Variants in SLIT3 observed in about 807,000 individuals in gnomAD.
SLIT3 encodes slit homolog 3 protein.
Under a neutral mutation model 184.0 loss-of-function variants are expected in SLIT3, and 68 were observed. The observed-to-expected ratio is 0.37, with a 90% CI of 0.30 to 0.45. SLIT3 has a LOEUF of 0.45. Ranked by LOEUF, SLIT3 falls within the 20% of genes least tolerant of loss-of-function variation. The probability of loss-of-function intolerance (pLI) is 1.00; values close to 1 mark genes in which losing one functional copy is unlikely to be tolerated. For missense variants in SLIT3, 1,707 were observed against 2,026.0 expected (o/e 0.84, Z 3.02); for synonymous variants, 831 against 828.6 (o/e 1.00, Z -0.05).
intron 11 of SLIT3, among the ~76,000 whole-genome samples, chr5:168,788,426 T>C (rs1054572696): frequency 6.6e-6 from 1 of 152,126 alleles, no homozygotes; most frequent in African/African-American, 2.4e-5. Flanking sequence ...CCACTCAAAT[T>C]AGGTAAACAG....
intron 6 of SLIT3, among the ~76,000 whole-genome samples, chr5:168,829,228 G>T (rs1409057240): frequency 6.6e-6 from 1 of 152,158 alleles, no homozygotes; most frequent in African/African-American, 2.4e-5. Context: ...GTGCTTTCCT[G>T]GCTCTGGTTG....
intron 4 of SLIT3, among the ~76,000 whole-genome samples, chr5:169,150,863 C>A (rs370974395): frequency 6.6e-6 from 1 of 152,168 alleles, no homozygotes; most frequent in Non-Finnish European, 1.5e-5. Context: ...CACCCTTACA[C>A]GTAGCTTGGG....
intron 5 of SLIT3, among the ~76,000 whole-genome samples, chr5:168,876,339 A>G (rs958753009): frequency 4.6e-5 from 7 of 152,064 alleles, no homozygotes; most frequent in African/African-American, 1.4e-4. Flanking sequence ...GTTTTTCTTA[A>G]GTGAAAATCT....
chr5:168,997,802 C>T lies in SLIT3; in HGVS notation c.414-114466G>A, dbSNP rs370063141. Among the ~76,000 whole-genome samples the T allele has an allele frequency of 7.9e-5, 12 of 152,286 alleles. No individual in the cohort carries two copies. The East Asian group carries it at 1.5e-3, about 20-fold the overall frequency. On this transcript the variant is annotated intron_variant, in intron 4 of 35. Transcript: ENST00000519560. ...GCCTATGACATGGGGATTCAAGTGT[C>T]AACATCAGGTTCAAAGGAGTGGTAT...
rs75409353 is a variant in SLIT3, at chr5:168,781,359, C to T, written c.1151+4548G>A. Among the ~76,000 whole-genome samples, 1,200 of 152,294 alleles carry T rather than the reference C, an allele frequency of 7.9e-3. 4 individuals are homozygous for T. The highest frequency in any genetic ancestry group is 0.012 in the Admixed American group (186 of 15,296). On this transcript the variant is annotated intron_variant, in intron 12 of 35. Coordinates refer to ENST00000519560, the MANE Select transcript of SLIT3 (RefSeq NM_003062.4). ...GGGTGGTAACTTTCCTATCTGATTG[C>T]CACATGGTTACCAATCAGTCCTTTA... is the stretch of plus-strand genomic sequence containing the variant.
At chr5:169,223,783 A>T (rs1411931101) in intron 3 of SLIT3, among the ~76,000 whole-genome samples, 1 of 152,118 alleles carries the variant, frequency 6.6e-6, no homozygotes. Context: ...CAGCAAAGAG[A>T]TTGCTTTTTT....
chr5:169,295,976 G>A (rs184569456), intron 1 of SLIT3, among the ~76,000 whole-genome samples: 12 of 152,338 alleles, frequency 7.9e-5, no homozygotes, highest in African/African-American at 2.9e-4. Flanking sequence ...CACAGTAGGA[G>A]TTTTGCAAGG....
intron 3 of SLIT3, among the ~76,000 whole-genome samples, chr5:169,214,007 C>T (rs2113517355): frequency 6.6e-6 from 1 of 152,304 alleles, no homozygotes; most frequent in East Asian, 1.9e-4. Flanking sequence ...GCATCATCCA[C>T]TTGGTGGTGA....
chr5:168,708,152 C>A, intron 25 of SLIT3, 52 bp from the exon 26 acceptor site: 1 of 1,613,368 alleles, frequency 6.2e-7, no homozygotes, highest in South Asian at 1.1e-5. Context: ...CGCTCACTGC[C>A]ATACCTCCCT....
rs1761023221 is a variant in SLIT3, at chr5:168,665,991, T to TTTTTCTGATCTCAATGA, written c.*446_*462dup. On this transcript the variant is annotated 3_prime_UTR_variant, in exon 36 of 36. Coordinates refer to ENST00000519560, the MANE Select transcript of SLIT3 (RefSeq NM_003062.4). ...TCCTTCTCTCTCTTCCTCTTATTCC[T>TTTTTCTGATCTCAATGA]TTTTCTGATCTCAATGAGCAGCTCT... is the stretch of plus-strand genomic sequence containing the variant. The TTTTTCTGATCTCAATGA allele has an allele frequency of 1.3e-5, 2 of 152,428 alleles. No homozygotes were observed. Among genetic ancestry groups the TTTTTCTGATCTCAATGA allele is most frequent in the East Asian group, 1.9e-4 (1 of 5,186 alleles). 9.4% of individuals were successfully genotyped at this position (152,428 alleles called of 1,614,324 possible). A position where few individuals can be genotyped will look rare whatever the true frequency, so the allele number is the denominator to read the frequency against.
intron 4 of SLIT3, among the ~76,000 whole-genome samples, chr5:169,174,465 T>C (rs10076513): frequency 0.037 from 5,614 of 152,246 alleles, 359 homozygotes; most frequent in African/African-American, 0.13. Context: ...TATGATCAGC[T>C]TCCAAGTTGG....
chr5:168,893,628 G>A (rs181225942), intron 4 of SLIT3, among the ~76,000 whole-genome samples: 125 of 152,292 alleles, frequency 8.2e-4, no homozygotes, highest in Middle Eastern at 3.4e-3. Flanking sequence ...GTCTTCTTTA[G>A]AGAGATGGCC....
At chr5:169,015,694 G>C (rs987361270) in intron 4 of SLIT3, among the ~76,000 whole-genome samples, 1 of 152,064 alleles carries the variant, frequency 6.6e-6, no homozygotes, top group African/African-American at 2.4e-5. Flanking sequence ...GCTTTGGGAG[G>C]CTGAGGCAAG....
chr5:168,702,674 GCGA>G (rs1290982797), intron 26 of SLIT3, among the ~76,000 whole-genome samples: 1 of 108,792 alleles, frequency 9.2e-6, no homozygotes, highest in African/African-American at 4.4e-5. Context: ...ATAAATAATA[GCGA>G]TGATGATGAT....
intron 4 of SLIT3, among the ~76,000 whole-genome samples, chr5:169,002,620 C>T (rs2113425795): frequency 6.6e-6 from 1 of 152,282 alleles, no homozygotes; most frequent in African/African-American, 2.4e-5. Flanking sequence ...GGTGTGCAGG[C>T]AACCAGTGGA....
intron 4 of SLIT3, among the ~76,000 whole-genome samples, chr5:168,909,960 C>A (rs1761200669): frequency 6.6e-6 from 1 of 152,214 alleles, no homozygotes; most frequent in Non-Finnish European, 1.5e-5. Flanking sequence ...GCACAACCTG[C>A]TTTAAACCCA....
intron 8 of SLIT3, among the ~76,000 whole-genome samples, chr5:168,813,957 T>TA (rs1167140941): frequency 1.3e-5 from 2 of 152,242 alleles, no homozygotes; most frequent in African/African-American, 2.4e-5. Flanking sequence ...GCTTAATTGC[T>TA]ACCCCAATGC....
At chr5:169,058,092 C>T (rs1215650109) in intron 4 of SLIT3, among the ~76,000 whole-genome samples, 2 of 152,222 alleles carry the variant, frequency 1.3e-5, no homozygotes, top group Non-Finnish European at 2.9e-5. Context: ...ATGAGACGAG[C>T]GCTATTGCAG....
chr5:168,712,687 A>G (rs1040704269), intron 23 of SLIT3: 25 of 258,434 alleles, frequency 9.7e-5, no homozygotes, highest in Middle Eastern at 1.3e-3. Context: ...CAGCTGAGAA[A>G]GGAAGAGACC....
Sources: gnomAD v4.1 joint callset for allele counts (sites outside exome capture counted in the v4.1 genomes callset) on GRCh38, gnomAD v4.1.1 for gene constraint, MANE v1.5 for transcripts, NCBI Gene and HGNC (gene_info 2026-07-23, HGNC 2026-07-21) for gene names.